The following CEP85 variants were observed in gnomAD, a reference collection of about 807,000 sequenced individuals.
The protein encoded by CEP85 is centrosomal protein 85.
CEP85 carries 58 observed loss-of-function variants against 93.7 expected under a neutral mutation model. The observed-to-expected ratio is 0.62, with a 90% confidence interval of 0.50 to 0.77. The LOEUF (loss-of-function observed/expected upper bound fraction) is 0.77, where lower values mean the gene tolerates loss of function less well. CEP85 is among the 30% of genes least tolerant of loss of function. CEP85 has a pLI of 0.00. For missense variants in CEP85, 868 were observed against 922.0 expected, an observed-to-expected ratio of 0.94 and a Z score of 0.76; for synonymous variants, 314 against 338.6, an observed-to-expected ratio of 0.93 and a Z score of 0.80.
intron 11 of CEP85, chr1:26,272,294 G>A: frequency 5.6e-6 from 3 of 538,364 alleles, no homozygotes; most frequent in South Asian, 2.6e-5. Flanking sequence ...TCCTGGGGGA[G>A]TGCAGGAGAG....
intron 1 of CEP85, among the ~76,000 whole-genome samples, 181 bp downstream of exon 1, chr1:26,234,491 C>T (rs1002902882): frequency 8.5e-5 from 13 of 152,244 alleles, no homozygotes; most frequent in Non-Finnish European, 1.5e-5. Flanking sequence ...TCCCATTCCC[C>T]TCGCTTCCCC....
At chr1:26,240,822 C>A (rs544591963) in intron 2 of CEP85, among the ~76,000 whole-genome samples, 1 of 151,316 alleles carries the variant, frequency 6.6e-6, no homozygotes, top group Non-Finnish European at 1.5e-5. Flanking sequence ...CACTTGAACA[C>A]GGGAAGCAGA....
chr1:26,234,382 G>C (rs2089289672), intron 1 of CEP85, 72 bp downstream of exon 1: 1 of 152,396 alleles, frequency 6.6e-6, no homozygotes, highest in South Asian at 2.1e-4. Context: ...CTCCGGCGAA[G>C]CCTCAGACGC....
intron 2 of CEP85, among the ~76,000 whole-genome samples, chr1:26,241,580 A>G (rs2089427038): frequency 6.6e-6 from 1 of 151,762 alleles, no homozygotes; most frequent in Non-Finnish European, 1.5e-5. Context: ...TATGTGCTGC[A>G]CATTCTCTTA....
intron 5 of CEP85, 151 bp downstream of exon 5, chr1:26,257,881 C>G (rs1024689322): frequency 1.2e-6 from 1 of 868,132 alleles, no homozygotes; most frequent in Non-Finnish European, 1.8e-6. Flanking sequence ...GCAGCCTAGT[C>G]GTGTATATAT....
rs773316750 is a variant in CEP85, at chr1:26,272,058, G to T, written c.1781G>T (p.Arg594Leu). 1.2e-6 allele frequency: 2 copies of T among 1,614,022 alleles called. No homozygotes were observed. Among genetic ancestry groups the T allele is most frequent in the Admixed American group, 1.7e-5 (1 of 60,010 alleles). Reference sequence around the variant, plus strand: ...CAGCAGCAGAAGATGGATCAGTTGCGCTCACAAGTACAGGTGAGCAGGAAT... The same window carrying T: ...CAGCAGCAGAAGATGGATCAGTTGCTCTCACAAGTACAGGTGAGCAGGAAT... ...EKQQQKMDQL[R>L]SQVQSLEQEV... Residue 594 changes from arginine (R) to leucine (L), a missense_variant, in exon 11 of 14, where the codon CGC becomes CTC. By Grantham distance (102) the Arg-to-Leu change is moderately radical. Coordinates refer to ENST00000451429, the MANE Select transcript of CEP85 (RefSeq NM_001319944.2).
chr1:26,271,703 G>A (rs914215933), intron 10 of CEP85: 26 of 342,202 alleles, frequency 7.6e-5, no homozygotes, highest in African/African-American at 4.5e-4. Context: ...AAGAACAAGA[G>A]TTTGCACTGG....
intron 1 of CEP85, among the ~76,000 whole-genome samples, chr1:26,238,960 C>T (rs1373060580): frequency 6.6e-6 from 1 of 152,138 alleles, no homozygotes. Flanking sequence ...CTTTTTACAT[C>T]GTATGACTGA....
chr1:26,264,534 AAAAAT>A (rs1436714968), intron 7 of CEP85, among the ~76,000 whole-genome samples: 2 of 152,210 alleles, frequency 1.3e-5, no homozygotes, highest in African/African-American at 2.4e-5. Flanking sequence ...ACTCCTTCAA[AAAAAT>A]AAAATAAAAA....
At chr1:26,258,684 C>T (rs906997538) in intron 6 of CEP85, among the ~76,000 whole-genome samples, 5 of 152,024 alleles carry the variant, frequency 3.3e-5, no homozygotes, top group Non-Finnish European at 7.4e-5. Flanking sequence ...GCAACCTCCG[C>T]CTCCCGGGTT....
intron 3 of CEP85, among the ~76,000 whole-genome samples, chr1:26,252,446 C>T (rs994635441): frequency 6.6e-6 from 1 of 152,034 alleles, no homozygotes; most frequent in Non-Finnish European, 1.5e-5. Flanking sequence ...GCAGGAGAAT[C>T]GCTTGAACCC....
intron 6 of CEP85, among the ~76,000 whole-genome samples, chr1:26,258,909 C>T (rs1429944503): frequency 2.0e-5 from 3 of 152,028 alleles, no homozygotes; most frequent in African/African-American, 7.2e-5. Flanking sequence ...TCATTTTTAT[C>T]CTCCATATCT....
intron 3 of CEP85, among the ~76,000 whole-genome samples, chr1:26,247,023 A>G (rs892985258): frequency 3.9e-5 from 6 of 152,190 alleles, no homozygotes; most frequent in Admixed American, 6.5e-5. Context: ...CCTGAGCTCC[A>G]TCTCCTGTCA....
In CEP85 at chr1:26,275,076, G is replaced by A; in HGVS notation, c.1902+5G>A. The A allele has an allele frequency of 2.6e-6, 4 of 1,561,718 alleles. No homozygotes were observed. The highest frequency in any genetic ancestry group is 2.6e-6 in the Non-Finnish European group (3 of 1,152,446). On this transcript the variant is annotated splice_donor_5th_base_variant and intron_variant, in intron 12 of 13. Transcript: ENST00000451429. ...CTGCGCACAGCCGTGAAGGAGGTGA[G>A]CAACATTAGTCAGACCTCTTGGTTT... is the stretch of plus-strand genomic sequence containing the variant.
At chr1:26,241,467 A>G (rs2089424766) in intron 2 of CEP85, among the ~76,000 whole-genome samples, 1 of 152,052 alleles carries the variant, frequency 6.6e-6, no homozygotes, top group South Asian at 2.1e-4. Flanking sequence ...GATGGTCTCA[A>G]TCTCCTGACC....
intron 7 of CEP85, among the ~76,000 whole-genome samples, chr1:26,265,045 C>T (rs750059545): frequency 1.6e-5 from 2 of 128,468 alleles, no homozygotes; most frequent in Non-Finnish European, 3.1e-5. Flanking sequence ...AGTGCAGTGG[C>T]GTGATCTTGG....
At chr1:26,240,036 A>G (rs2089397718) in intron 2 of CEP85, among the ~76,000 whole-genome samples, 198 bp downstream of exon 2, 1 of 152,214 alleles carries the variant, frequency 6.6e-6, no homozygotes, top group Non-Finnish European at 1.5e-5. Context: ...GTGGCTTTCA[A>G]CAGGACCACG....
At chr1:26,257,279 G>A (rs2089722052) in intron 4 of CEP85, among the ~76,000 whole-genome samples, 1 of 152,158 alleles carries the variant, frequency 6.6e-6, no homozygotes, top group African/African-American at 2.4e-5. Flanking sequence ...TGGGAAGGAA[G>A]GGAGCAGACA....
chr1:26,277,239 C>A lies in CEP85; in HGVS notation c.2232C>A (p.Thr744=). Residue 744 remains threonine, a synonymous_variant, in exon 14 of 14, where the codon ACC becomes ACA. Transcript: ENST00000451429. ...GTCGTGACATTGAGGACTTAAGGAC[C>A]ACCATGTCAGACAGATATGCCCAGG... is the stretch of plus-strand genomic sequence containing the variant. The part of the protein sequence containing the change: ...QLRRDIEDLR[T]TMSDRYAQDM... 9 of 1,614,136 alleles carry A rather than the reference C, an allele frequency of 5.6e-6. No homozygotes were observed. Among genetic ancestry groups the A allele is most frequent in the Non-Finnish European group, 6.8e-6 (8 of 1,179,976 alleles).
Sources: allele counts gnomAD v4.1 joint callset (sites outside exome capture counted in the v4.1 genomes callset), GRCh38; gene constraint gnomAD v4.1.1; transcripts MANE v1.5; gene names NCBI Gene and HGNC (gene_info 2026-07-23, HGNC 2026-07-21).